Variants in ZYG11B observed in about 807,000 individuals in gnomAD.
ZYG11B encodes zyg-11 family member B, cell cycle regulator, also known as protein zyg-11 homolog B.
ZYG11B carries 36 observed loss-of-function variants against 82.4 expected under a neutral mutation model. The observed-to-expected ratio is 0.44, with a 90% CI of 0.33 to 0.58. The LOEUF is 0.58. Ranked by LOEUF, ZYG11B falls within the 20% of genes least tolerant of loss-of-function variation. The pLI is 0.02. For synonymous variants in ZYG11B, 303 were observed against 312.8 expected, an observed-to-expected ratio of 0.97 and a Z score of 0.33; for missense variants, 552 against 895.6, an observed-to-expected ratio of 0.62 and a Z score of 4.90.
intron 1 of ZYG11B, among the ~76,000 whole-genome samples, chr1:52,738,339 C>T (rs1023092694): frequency 3.3e-5 from 5 of 151,958 alleles, no homozygotes; most frequent in East Asian, 3.9e-4. Flanking sequence ...ACACCATGCC[C>T]GGCTAATTTT....
chr1:52,753,284 A>G (rs1349802124), intron 1 of ZYG11B, among the ~76,000 whole-genome samples: 3 of 152,156 alleles, frequency 2.0e-5, no homozygotes, highest in African/African-American at 7.2e-5. Flanking sequence ...TTAATTTTGT[A>G]ATAAACTGCT....
At position 52,821,853 on chromosome 1, in the gene ZYG11B, A is replaced by G. The variant is rs142228334; in HGVS notation, c.*224A>G. On this transcript the variant is annotated 3_prime_UTR_variant, in exon 14 of 14. Coordinates refer to ENST00000294353, the MANE Select transcript of ZYG11B (RefSeq NM_024646.3). ...GTCTCTTCCTTTATCATTGCCTTTTAGGAAATTTTCCACATCTTTCAGTGT... is the reference window on the plus strand; with the variant it reads ...GTCTCTTCCTTTATCATTGCCTTTTGGGAAATTTTCCACATCTTTCAGTGT... 1.3e-3 allele frequency: 518 copies of G among 393,966 alleles called. 1 individual carries two copies. The highest frequency in any genetic ancestry group is 9.4e-3 in the African/African-American group (460 of 49,086). The allele number at this position is 393,966 out of a possible 1,614,324, so 24.4% of individuals were successfully genotyped here.
intron 1 of ZYG11B, among the ~76,000 whole-genome samples, chr1:52,727,433 A>G (rs973906420): frequency 1.3e-5 from 2 of 152,222 alleles, no homozygotes; most frequent in Non-Finnish European, 2.9e-5. Flanking sequence ...AGTGAGGGCC[A>G]GCATGCATAC....
intron 8 of ZYG11B, 143 bp from the exon 9 acceptor site, chr1:52,801,676 C>T: frequency 3.3e-6 from 2 of 600,948 alleles, no homozygotes; most frequent in Non-Finnish European, 2.8e-6. Context: ...AAGTTCAGTC[C>T]AAGGGGCTGT....
intron 10 of ZYG11B, among the ~76,000 whole-genome samples, chr1:52,804,195 G>A (rs1268545605): frequency 1.3e-5 from 2 of 152,046 alleles, no homozygotes; most frequent in Non-Finnish European, 2.9e-5. Context: ...GCAGTGAGCT[G>A]TGCTCATCCT....
intron 10 of ZYG11B, among the ~76,000 whole-genome samples, chr1:52,803,364 G>C (rs1645114073): frequency 7.0e-6 from 1 of 143,538 alleles, no homozygotes; most frequent in Non-Finnish European, 1.5e-5. Flanking sequence ...TTGAATCTGG[G>C]AGGCGGAGGT....
At chr1:52,817,869 A>G (rs1433946159) in intron 13 of ZYG11B, among the ~76,000 whole-genome samples, 1 of 83,588 alleles carries the variant, frequency 1.2e-5, no homozygotes, top group African/African-American at 4.4e-5. Flanking sequence ...ATGGAGTCTC[A>G]CTTTGTCACC....
chr1:52,790,807 A>G (rs552520788), intron 6 of ZYG11B, among the ~76,000 whole-genome samples: 4 of 27,512 alleles, frequency 1.5e-4, no homozygotes, highest in East Asian at 1.2e-3. Flanking sequence ...CATGTCTGTT[A>G]TTATTATCAT....
At chr1:52,757,293 A>G (rs776895255) in intron 2 of ZYG11B, among the ~76,000 whole-genome samples, 4 of 152,094 alleles carry the variant, frequency 2.6e-5, no homozygotes, top group Admixed American at 6.6e-5. Context: ...GATCATAGGC[A>G]TGAGCCACCA....
At chr1:52,729,600 T>A (rs1307885074) in intron 1 of ZYG11B, among the ~76,000 whole-genome samples, 1 of 152,206 alleles carries the variant, frequency 6.6e-6, no homozygotes, top group African/African-American at 2.4e-5. Flanking sequence ...AATTAGGTTG[T>A]GTTTGAATAG....
intron 1 of ZYG11B, among the ~76,000 whole-genome samples, chr1:52,738,345 A>T (rs1237661952): frequency 6.6e-6 from 1 of 150,412 alleles, no homozygotes; most frequent in Non-Finnish European, 1.5e-5. Context: ...TGCCCGGCTA[A>T]TTTTGGTACT....
intron 2 of ZYG11B, among the ~76,000 whole-genome samples, chr1:52,766,087 T>G (rs1191171369): frequency 6.6e-6 from 1 of 151,140 alleles, no homozygotes; most frequent in Non-Finnish European, 1.5e-5. Flanking sequence ...TGTTTTCATT[T>G]TTTTCTTTTT....
At chr1:52,772,209 A>C (rs912465401) in intron 3 of ZYG11B, 6 of 1,458,008 alleles carry the variant, frequency 4.1e-6, no homozygotes, top group Middle Eastern at 1.7e-4. Context: ...CGACCAGGGC[A>C]GAGGCTGTAG....
At chr1:52,728,959 T>C (rs985151350) in intron 1 of ZYG11B, among the ~76,000 whole-genome samples, 2 of 152,020 alleles carry the variant, frequency 1.3e-5, no homozygotes, top group African/African-American at 4.8e-5. Flanking sequence ...AGAATGGAGA[T>C]GTGTAGTAGG....
chr1:52,782,766 A>C (rs886555722), intron 4 of ZYG11B, among the ~76,000 whole-genome samples: 8 of 151,676 alleles, frequency 5.3e-5, no homozygotes. Flanking sequence ...CGGGGGTCAC[A>C]CTATGTTACA....
intron 1 of ZYG11B, among the ~76,000 whole-genome samples, chr1:52,743,394 A>G (rs906816263): frequency 2.8e-4 from 38 of 137,674 alleles, no homozygotes; most frequent in Non-Finnish European, 3.8e-4. Context: ...AGAATGATCA[A>G]TAAATACTAA....
intron 3 of ZYG11B, among the ~76,000 whole-genome samples, chr1:52,778,088 C>A (rs1398593991): frequency 6.6e-6 from 1 of 152,244 alleles, no homozygotes; most frequent in Non-Finnish European, 1.5e-5. Flanking sequence ...CTACACCCAA[C>A]CATGTCCTTT....
At position 52,812,010 on chromosome 1, in the gene ZYG11B, G is replaced by A. The variant is rs368503690; in HGVS notation, c.1696-1526G>A. Among the ~76,000 whole-genome samples, 475 of 151,896 alleles carry A rather than the reference G, an allele frequency of 3.1e-3. 7 individuals are homozygous for A. Among genetic ancestry groups the A allele is most frequent in the Middle Eastern group, 6.8e-3 (2 of 294 alleles). ...CGCGCCACTGCACTCCAGCCTGGGC[G>A]AGAGCGAGACTCCATCTAAAAAAAA... On this transcript the variant is annotated intron_variant, in intron 10 of 13. Transcript: ENST00000294353.
chr1:52,813,512 T>G (rs767657088), intron 10 of ZYG11B, 24 bp from the exon 11 acceptor site: 1 of 1,549,746 alleles, frequency 6.5e-7, no homozygotes, highest in Admixed American at 1.8e-5. Context: ...ACATTAATTT[T>G]TATATTTTCT....
Sources: allele counts gnomAD v4.1 joint callset (sites outside exome capture counted in the v4.1 genomes callset), GRCh38; gene constraint gnomAD v4.1.1; transcripts MANE v1.5; gene names NCBI Gene and HGNC (gene_info 2026-07-23, HGNC 2026-07-21).